The following PLCB1 variants were observed in gnomAD, a reference collection of about 807,000 sequenced individuals.
PLCB1 encodes phospholipase C beta 1, also known as 1-phosphatidylinositol 4,5-bisphosphate phosphodiesterase beta-1.
Under a neutral mutation model 161.8 loss-of-function variants are expected in PLCB1, and 46 were observed. The observed-to-expected ratio is 0.28, with a 90% CI of 0.22 to 0.36. The LOEUF (loss-of-function observed/expected upper bound fraction) is 0.36. Ranked by LOEUF, PLCB1 falls within the 10% of genes least tolerant of loss-of-function variation. The probability of loss-of-function intolerance (pLI) is 1.00; values close to 1 mark genes in which losing one functional copy is unlikely to be tolerated. For missense variants in PLCB1, 1,016 were observed against 1,472.5 expected, an observed-to-expected ratio of 0.69 and a Z score of 5.07; for synonymous variants, 517 against 503.7, an observed-to-expected ratio of 1.03 and a Z score of -0.35.
At chr20:8,556,656 G>GTGTGTGT (rs1985962287) in intron 3 of PLCB1, among the ~76,000 whole-genome samples, 5 of 141,860 alleles carry the variant, frequency 3.5e-5, no homozygotes, top group African/African-American at 1.3e-4. Context: ...GAGAGGGTTG[G>GTGTGTGT]GTGTGTGTGT....
intron 2 of PLCB1, among the ~76,000 whole-genome samples, chr20:8,242,994 G>A (rs1311295738): frequency 6.6e-6 from 1 of 151,976 alleles, no homozygotes; most frequent in Non-Finnish European, 1.5e-5. Context: ...AGAAAAACAG[G>A]AAGTCAGTGG....
intron 31 of PLCB1, among the ~76,000 whole-genome samples, chr20:8,867,507 C>G (rs912542171): frequency 3.3e-5 from 5 of 152,350 alleles, no homozygotes; most frequent in South Asian, 4.1e-4. Flanking sequence ...AATAATTAGC[C>G]TCTGAATGGC....
At chr20:8,200,759 C>T (rs2052083928) in intron 2 of PLCB1, among the ~76,000 whole-genome samples, 1 of 151,808 alleles carries the variant, frequency 6.6e-6, no homozygotes, top group African/African-American at 2.4e-5. Flanking sequence ...TATCTTGGGC[C>T]TCTGATAAAA....
intron 2 of PLCB1, among the ~76,000 whole-genome samples, chr20:8,267,410 G>C (rs1982025070): frequency 6.6e-6 from 1 of 152,096 alleles, no homozygotes; most frequent in Non-Finnish European, 1.5e-5. Context: ...GGACATCTCT[G>C]TGGTATAATC....
rs571967789 is a variant in PLCB1, at chr20:8,540,481, C to T, written c.247-87813C>T. Among the ~76,000 whole-genome samples the T allele has an allele frequency of 1.6e-4, 24 of 152,192 alleles. No individual in the cohort carries two copies. The South Asian group carries it at 4.8e-3, about 30-fold the overall frequency. On this transcript the variant is annotated intron_variant, in intron 3 of 31. Transcript: ENST00000338037. ...GACAGAAAAGAAAATACCTTGTCAG[C>T]CAGCAATCAGAAGCACATTATATCT... is the stretch of plus-strand genomic sequence containing the variant.
intron 3 of PLCB1, among the ~76,000 whole-genome samples, chr20:8,469,253 T>C (rs184854203): frequency 8.5e-5 from 13 of 152,240 alleles, no homozygotes; most frequent in Admixed American, 6.5e-4. Flanking sequence ...GGAAAGAAAG[T>C]TTCATAGTAG....
At chr20:8,490,133 C>T (rs6118210) in intron 3 of PLCB1, among the ~76,000 whole-genome samples, 3,204 of 152,278 alleles carry the variant, frequency 0.021, 134 homozygotes, top group African/African-American at 0.074. Context: ...CACTGAGCCT[C>T]TCTCTTCAAA....
chr20:8,689,378 A>G (rs889734231), intron 10 of PLCB1, among the ~76,000 whole-genome samples: 1 of 152,052 alleles, frequency 6.6e-6, no homozygotes, highest in African/African-American at 2.4e-5. Flanking sequence ...TTCCAGTACT[A>G]TGATGAAGAA....
intron 31 of PLCB1, among the ~76,000 whole-genome samples, chr20:8,849,701 T>TAAAAGAAAATATAAAA (rs1986820554): frequency 7.8e-6 from 1 of 128,914 alleles, no homozygotes; most frequent in Non-Finnish European, 1.7e-5. Flanking sequence ...AATTAAAAAT[T>TAAAAGAAAATATAAAA]AAAAGAAAAT....
intron 3 of PLCB1, among the ~76,000 whole-genome samples, chr20:8,564,942 A>T (rs986296612): frequency 3.3e-5 from 5 of 152,222 alleles, no homozygotes; most frequent in Non-Finnish European, 5.9e-5. Flanking sequence ...TTCCTCAAGG[A>T]TCTAGAACCA....
intron 2 of PLCB1, among the ~76,000 whole-genome samples, chr20:8,316,791 T>C (rs1241973916): frequency 1.3e-5 from 2 of 152,092 alleles, no homozygotes; most frequent in Admixed American, 1.3e-4. Flanking sequence ...ATGATCTGGT[T>C]GGGAGGATTC....
At chr20:8,759,396 G>A (rs991885178) in intron 24 of PLCB1, among the ~76,000 whole-genome samples, 10 of 152,280 alleles carry the variant, frequency 6.6e-5, no homozygotes, top group African/African-American at 2.4e-4. Context: ...CAAATATCCT[G>A]TTCTTCCTTA....
intron 3 of PLCB1, among the ~76,000 whole-genome samples, chr20:8,561,714 T>C (rs1986146094): frequency 6.6e-6 from 1 of 152,076 alleles, no homozygotes; most frequent in Admixed American, 6.6e-5. Context: ...CATTAACAGA[T>C]GCAATTAGAA....
intron 2 of PLCB1, among the ~76,000 whole-genome samples, chr20:8,263,737 A>C (rs1981821532): frequency 6.6e-6 from 1 of 152,196 alleles, no homozygotes; most frequent in Non-Finnish European, 1.5e-5. Flanking sequence ...GTATGTAAAC[A>C]TAGAAAAGGT....
chr20:8,557,207 G>A (rs6055898), intron 3 of PLCB1, among the ~76,000 whole-genome samples: 86,992 of 151,472 alleles, frequency 0.57, 25,616 homozygotes, highest in African/African-American at 0.67. Context: ...ATATATCTCA[G>A]ACAATTAAAA....
chr20:8,276,368 T>A (rs1982544875), intron 2 of PLCB1, among the ~76,000 whole-genome samples: 1 of 152,208 alleles, frequency 6.6e-6, no homozygotes, highest in Non-Finnish European at 1.5e-5. Flanking sequence ...ATATTCCATT[T>A]TTCTGCTGTA....
At chr20:8,285,594 T>G (rs1983080009) in intron 2 of PLCB1, among the ~76,000 whole-genome samples, 1 of 152,170 alleles carries the variant, frequency 6.6e-6, no homozygotes, top group African/African-American at 2.4e-5. Context: ...TGTTTAACTT[T>G]CTGTTTGGAC....
At chr20:8,365,758 A>T (rs6086423) in intron 2 of PLCB1, among the ~76,000 whole-genome samples, 1 of 152,292 alleles carries the variant, frequency 6.6e-6, no homozygotes, top group African/African-American at 2.4e-5. Flanking sequence ...CCACACATGT[A>T]TGTGGAGATA....
chr20:8,400,680 T>C (rs1006452601), intron 3 of PLCB1, among the ~76,000 whole-genome samples: 1 of 152,232 alleles, frequency 6.6e-6, no homozygotes, highest in South Asian at 2.1e-4. Context: ...GCAGAAATTA[T>C]GCCGTGTCAG....
Sources: gnomAD v4.1 joint callset for allele counts (sites outside exome capture counted in the v4.1 genomes callset) on GRCh38, gnomAD v4.1.1 for gene constraint, MANE v1.5 for transcripts, NCBI Gene and HGNC (gene_info 2026-07-23, HGNC 2026-07-21) for gene names.